MAP3K5: variants seen among roughly 807,000 people sequenced by gnomAD.
MAP3K5 encodes mitogen-activated protein kinase kinase kinase 5.
Under a neutral mutation model 158.7 loss-of-function variants are expected in MAP3K5, and 56 were observed. The observed-to-expected ratio is 0.35, with a 90% CI of 0.28 to 0.44. MAP3K5 has a LOEUF of 0.44. MAP3K5 is among the 20% of genes least tolerant of loss of function. The pLI, the probability that MAP3K5 is intolerant of heterozygous loss-of-function variation, is 1.00. For synonymous variants in MAP3K5, 579 were observed against 601.7 expected (o/e 0.96, Z 0.55); for missense variants, 1,294 against 1,674.8 (o/e 0.77, Z 3.97).
Position 136,792,204 on chromosome 6 carries a change from C to T in MAP3K5, c.-47G>A. On this transcript the variant is annotated 5_prime_UTR_variant, in exon 1 of 30. Coordinates refer to ENST00000359015, the MANE Select transcript of MAP3K5 (RefSeq NM_005923.4). This position sits in a 1 kb window ranked among gnomAD's most constrained non-coding sequence, Gnocchi z 5.7. ...GGCGGCGGCGTCCCCCGCCCAGCCG[C>T]ACCGCCTGGCCAGCCACAGCTCGGG... is the stretch of plus-strand genomic sequence containing the variant. The T allele has an allele frequency of 6.6e-7, 1 of 1,517,364 alleles. No homozygotes were observed. The highest frequency in any genetic ancestry group is 2.6e-5 in the East Asian group (1 of 38,316). The allele number at this position is 1,517,364 out of a possible 1,614,324, so 94.0% of individuals were successfully genotyped here. A position where few individuals can be genotyped will look rare whatever the true frequency, so the allele number is the denominator to read the frequency against.
intron 1 of MAP3K5, among the ~76,000 whole-genome samples, chr6:136,732,434 AAAAC>A (rs1043067653): frequency 4.6e-5 from 7 of 152,050 alleles, no homozygotes; most frequent in Non-Finnish European, 7.4e-5. Flanking sequence ...CAAACAAAAC[AAAAC>A]AAACAAACAA....
At chr6:136,625,917 A>C (rs1777012708) in intron 14 of MAP3K5, among the ~76,000 whole-genome samples, 1 of 151,756 alleles carries the variant, frequency 6.6e-6, no homozygotes, top group African/African-American at 2.4e-5. Flanking sequence ...TGAGAAGATA[A>C]GATATTCTAA....
chr6:136,716,793 C>G (rs1458621271), intron 2 of MAP3K5, among the ~76,000 whole-genome samples: 2 of 152,066 alleles, frequency 1.3e-5, no homozygotes, highest in South Asian at 4.1e-4. Flanking sequence ...CATTAGTAGG[C>G]ACGAGAGAAA....
chr6:136,661,128 T>C (rs1311114106), intron 8 of MAP3K5, among the ~76,000 whole-genome samples: 1 of 152,190 alleles, frequency 6.6e-6, no homozygotes, highest in African/African-American at 2.4e-5. Context: ...TTTATATGTG[T>C]CCATTTTATA....
chr6:136,655,707 A>AGTGTGTGTGT (rs61536898), intron 10 of MAP3K5, among the ~76,000 whole-genome samples: 1 of 149,888 alleles, frequency 6.7e-6, no homozygotes, highest in Non-Finnish European at 1.5e-5. Flanking sequence ...ATTTTTTTAA[A>AGTGTGTGTGT]GTGTGTGTGT....
chr6:136,589,690 G>A (rs1406027589), intron 23 of MAP3K5, among the ~76,000 whole-genome samples: 3 of 152,084 alleles, frequency 2.0e-5, no homozygotes, highest in South Asian at 2.1e-4. Flanking sequence ...TCTGGTGTCC[G>A]TATCAGAAGA....
rs922024321 is a variant in MAP3K5 at position 136,636,416 on chromosome 6, C to T, written c.2016+909G>A. Among the ~76,000 whole-genome samples, 78 of 152,234 alleles carry T rather than the reference C, an allele frequency of 5.1e-4. 1 individual carries two copies. Among genetic ancestry groups the T allele is most frequent in the African/African-American group, 1.7e-3 (71 of 41,466 alleles). ...CCACATTGTTTACAGTATTTTGTTA[C>T]AGCAGCCCAATGGACTAAGTCACTT... On this transcript the variant is annotated intron_variant, in intron 14 of 29. Coordinates refer to ENST00000359015, the MANE Select transcript of MAP3K5 (RefSeq NM_005923.4).
chr6:136,689,549 T>G (rs1430579911), intron 7 of MAP3K5, among the ~76,000 whole-genome samples: 1 of 152,174 alleles, frequency 6.6e-6, no homozygotes, highest in Non-Finnish European at 1.5e-5. Context: ...TGTTAGGAGA[T>G]GGAGCCTAAT....
chr6:136,578,586 T>G (rs1229535635), intron 25 of MAP3K5, among the ~76,000 whole-genome samples: 1 of 151,670 alleles, frequency 6.6e-6, no homozygotes, highest in African/African-American at 2.4e-5. Flanking sequence ...AGGTCCAGAC[T>G]CTCGGTGGCC....
In MAP3K5 at chr6:136,681,338, A is replaced by C. The variant is rs145468304; in HGVS notation, c.1254-11943T>G. Among the ~76,000 whole-genome samples the C allele has an allele frequency of 2.1e-3, 326 of 152,314 alleles. 7 individuals are homozygous for C. In the East Asian group the frequency reaches 0.029, roughly 14 times the overall value. Reference sequence around the variant, plus strand: ...AGGAGACCTCTACAGAGACATAGTAAATACTCTTATTCTGGCCATGTGCAA... The same window carrying C: ...AGGAGACCTCTACAGAGACATAGTACATACTCTTATTCTGGCCATGTGCAA... On this transcript the variant is annotated intron_variant, in intron 7 of 29. Transcript: ENST00000359015.
chr6:136,716,852 A>G (rs1562640547), intron 2 of MAP3K5, among the ~76,000 whole-genome samples: 1 of 152,222 alleles, frequency 6.6e-6, no homozygotes, highest in Non-Finnish European at 1.5e-5. Flanking sequence ...TGTTGTTACA[A>G]TGCTAAAGAA....
At chr6:136,586,913 T>G (rs1775164862) in intron 23 of MAP3K5, among the ~76,000 whole-genome samples, 1 of 152,244 alleles carries the variant, frequency 6.6e-6, no homozygotes, top group Non-Finnish European at 1.5e-5. Context: ...AGATTCCAAG[T>G]TCTTCAGTTT....
chr6:136,659,735 G>A (rs1319758285), intron 8 of MAP3K5, among the ~76,000 whole-genome samples: 1 of 151,840 alleles, frequency 6.6e-6, no homozygotes, highest in Non-Finnish European at 1.5e-5. Flanking sequence ...AATGAGGACT[G>A]ATAGTTTAAC....
intron 1 of MAP3K5, among the ~76,000 whole-genome samples, chr6:136,756,079 G>A (rs561815273): frequency 6.6e-6 from 1 of 152,046 alleles, no homozygotes; most frequent in African/African-American, 2.4e-5. Context: ...GGCCAAAATG[G>A]GCAGATCGCT....
At chr6:136,669,588 TC>T (rs1193125473) in intron 7 of MAP3K5, among the ~76,000 whole-genome samples, 193 bp from the exon 8 acceptor site, 1 of 151,960 alleles carries the variant, frequency 6.6e-6, no homozygotes, top group Non-Finnish European at 1.5e-5. Flanking sequence ...TCTGTTGCTT[TC>T]CCCCGCTTAG....
chr6:136,737,487 A>ATAGAG (rs1782527297), intron 1 of MAP3K5, among the ~76,000 whole-genome samples: 1 of 152,216 alleles, frequency 6.6e-6, no homozygotes, highest in East Asian at 1.9e-4. Flanking sequence ...AGCCTGCTGA[A>ATAGAG]TAGAGACAAC....
intron 2 of MAP3K5, among the ~76,000 whole-genome samples, chr6:136,713,116 A>G (rs1188716382): frequency 2.6e-5 from 4 of 152,232 alleles, no homozygotes; most frequent in African/African-American, 9.6e-5. Context: ...ACTTCCACAG[A>G]AAGAGTCATT....
At chr6:136,699,097 T>C (rs1037952895) in intron 3 of MAP3K5, among the ~76,000 whole-genome samples, 9 of 152,100 alleles carry the variant, frequency 5.9e-5, no homozygotes, top group African/African-American at 2.2e-4. Context: ...TGTAAGGTGA[T>C]GCCGCAAGTA....
chr6:136,738,332 G>A (rs769692372), intron 1 of MAP3K5, among the ~76,000 whole-genome samples: 18 of 152,086 alleles, frequency 1.2e-4, no homozygotes, highest in Non-Finnish European at 2.4e-4. Context: ...CTCTCTACTT[G>A]AGACCTTATA....
Sources: allele counts gnomAD v4.1 joint callset (sites outside exome capture counted in the v4.1 genomes callset), GRCh38; gene constraint gnomAD v4.1.1; non-coding constraint Gnocchi (gnomAD v3.1); transcripts MANE v1.5; gene names NCBI Gene and HGNC (gene_info 2026-07-23, HGNC 2026-07-21).